CDH12: variants seen among roughly 807,000 people sequenced by gnomAD.
CDH12 encodes the protein cadherin 12, also known as cadherin-12.
In CDH12, 41 loss-of-function variants were observed where a neutral mutation model predicts 74.1. The observed-to-expected ratio is 0.55, with a 90% CI of 0.43 to 0.72. The LOEUF (loss-of-function observed/expected upper bound fraction) is 0.72. CDH12 is among the 30% of genes least tolerant of loss of function. CDH12 has a pLI of 0.00. For missense variants in CDH12, 945 were observed against 977.2 expected, an observed-to-expected ratio of 0.97 and a Z score of 0.44; for synonymous variants, 399 against 355.0, an observed-to-expected ratio of 1.12 and a Z score of -1.39.
At chr5:21,785,222 G>A (rs1188546923) in intron 10 of CDH12, among the ~76,000 whole-genome samples, 2 of 152,058 alleles carry the variant, frequency 1.3e-5, no homozygotes, top group Admixed American at 6.6e-5. Context: ...ATCAATCAAC[G>A]TTGTGTGTCC....
intron 1 of CDH12, among the ~76,000 whole-genome samples, chr5:22,823,989 A>C (rs1749868616): frequency 1.3e-5 from 2 of 152,152 alleles, no homozygotes; most frequent in African/African-American, 2.4e-5. Flanking sequence ...CATAAATCTC[A>C]ATCAAAATAA....
At chr5:22,323,215 C>T (rs1033423997) in intron 3 of CDH12, among the ~76,000 whole-genome samples, 3 of 152,146 alleles carry the variant, frequency 2.0e-5, no homozygotes, top group African/African-American at 7.2e-5. Flanking sequence ...CAGGTCTATA[C>T]TCTGTATGTT....
chr5:22,270,775 G>A (rs1468583672), intron 3 of CDH12, among the ~76,000 whole-genome samples: 1 of 151,838 alleles, frequency 6.6e-6, no homozygotes, highest in Non-Finnish European at 1.5e-5. Flanking sequence ...GGTTTCAAGC[G>A]ATTCTCCTGC....
At chr5:22,358,504 GTT>G (rs1311062653) in intron 3 of CDH12, among the ~76,000 whole-genome samples, 5 of 152,130 alleles carry the variant, frequency 3.3e-5, no homozygotes, top group Non-Finnish European at 7.3e-5. Flanking sequence ...TCTGTTCTGT[GTT>G]TAACACTTCA....
intron 1 of CDH12, among the ~76,000 whole-genome samples, chr5:22,666,575 C>T (rs1740636823): frequency 6.6e-6 from 1 of 152,096 alleles, no homozygotes; most frequent in South Asian, 2.1e-4. Context: ...CAGGCTTGAG[C>T]CACCGCGCCC....
chr5:22,679,762 C>A (rs945413449), intron 1 of CDH12, among the ~76,000 whole-genome samples: 3 of 152,050 alleles, frequency 2.0e-5, no homozygotes, highest in Non-Finnish European at 2.9e-5. Flanking sequence ...TATGTACATG[C>A]TACTATCTGG....
intron 9 of CDH12, among the ~76,000 whole-genome samples, chr5:21,804,643 A>AAAAAT (rs1554032478): frequency 6.1e-5 from 7 of 115,272 alleles, no homozygotes; most frequent in South Asian, 2.8e-4. Context: ...AGTGAATTAA[A>AAAAAT]ACACACACAC....
At chr5:21,951,794 T>C (rs1755874168) in intron 6 of CDH12, among the ~76,000 whole-genome samples, 1 of 152,202 alleles carries the variant, frequency 6.6e-6, no homozygotes, top group Admixed American at 6.5e-5. Context: ...TTTAGCTCTT[T>C]TGAAGAAGAA....
At chr5:22,503,291 G>A (rs1736247821) in intron 2 of CDH12, among the ~76,000 whole-genome samples, 1 of 151,974 alleles carries the variant, frequency 6.6e-6, no homozygotes, top group Non-Finnish European at 1.5e-5. Context: ...ACTGCCCTAT[G>A]TGATTGTTGA....
intron 11 of CDH12, among the ~76,000 whole-genome samples, chr5:21,781,107 C>T (rs945074822): frequency 6.6e-6 from 1 of 152,144 alleles, no homozygotes; most frequent in Non-Finnish European, 1.5e-5. Flanking sequence ...GACGGCAAGG[C>T]AGAGGAAACC....
At chr5:22,213,688 A>T (rs1355915234) in intron 3 of CDH12, 2 of 152,096 alleles carry the variant, frequency 1.3e-5, no homozygotes, top group East Asian at 3.9e-4. Flanking sequence ...CAAAGCCCCA[A>T]ATGGTTAATT....
chr5:22,634,554 T>A (rs72637731), intron 1 of CDH12, among the ~76,000 whole-genome samples: 9,980 of 152,202 alleles, frequency 0.066, 433 homozygotes, highest in East Asian at 0.24. Flanking sequence ...GTATTATGAA[T>A]GTATTTGGTG....
At chr5:21,916,783 G>A (rs1267234008) in intron 6 of CDH12, among the ~76,000 whole-genome samples, 2 of 152,182 alleles carry the variant, frequency 1.3e-5, no homozygotes, top group Non-Finnish European at 2.9e-5. Context: ...CAAGGAATGC[G>A]TCTCTCAGCA....
intron 6 of CDH12, among the ~76,000 whole-genome samples, chr5:21,950,757 T>TA (rs1554047072): frequency 1.5e-5 from 2 of 137,006 alleles, no homozygotes; most frequent in Admixed American, 7.5e-5. Flanking sequence ...TAAATTTTAT[T>TA]TTATTATTAT....
chr5:22,739,732 G>A (rs1419690167), intron 1 of CDH12, among the ~76,000 whole-genome samples: 1 of 151,942 alleles, frequency 6.6e-6, no homozygotes, highest in Non-Finnish European at 1.5e-5. Flanking sequence ...CCCAGCCCCT[G>A]GCAACCCACA....
chr5:22,405,296 T>C lies in CDH12; in HGVS notation c.-372A>G. On this transcript the variant is annotated 5_prime_UTR_variant, in exon 3 of 15. Transcript: ENST00000382254. ...TTATTTTCTAAGGCCAGCTTATGTA[T>C]CTCAAATTGTTTTGACCTCCACAGT... The C allele has an allele frequency of 1.0e-6, 1 of 980,034 alleles. No individual in the cohort carries two copies. The highest frequency in any genetic ancestry group is 1.2e-6 in the Non-Finnish European group (1 of 825,010). The allele number at this position is 980,034 out of a possible 1,614,324, so 60.7% of individuals were successfully genotyped here.
At chr5:22,127,869 C>T (rs1235400603) in intron 4 of CDH12, among the ~76,000 whole-genome samples, 1 of 151,926 alleles carries the variant, frequency 6.6e-6, no homozygotes, top group Non-Finnish European at 1.5e-5. Flanking sequence ...ATACAAGCAG[C>T]CATTATGTGT....
At chr5:22,727,862 C>T (rs974257632) in intron 1 of CDH12, among the ~76,000 whole-genome samples, 2 of 151,070 alleles carry the variant, frequency 1.3e-5, no homozygotes, top group Non-Finnish European at 3.0e-5. Context: ...TGGAGGTTTT[C>T]GTTTATTTTA....
chr5:22,848,640 A>T (rs1169817043), intron 1 of CDH12, among the ~76,000 whole-genome samples: 1 of 152,108 alleles, frequency 6.6e-6, no homozygotes, highest in Non-Finnish European at 1.5e-5. Flanking sequence ...TAGTTAGTTT[A>T]TCAGGGAGGG....
Sources: allele counts gnomAD v4.1 joint callset (sites outside exome capture counted in the v4.1 genomes callset), GRCh38; gene constraint gnomAD v4.1.1; transcripts MANE v1.5; gene names NCBI Gene and HGNC (gene_info 2026-07-23, HGNC 2026-07-21).